UNC5B: variants seen among roughly 807,000 people sequenced by gnomAD.
The protein encoded by UNC5B is netrin receptor UNC5B.
UNC5B carries 56 observed loss-of-function variants against 103.7 expected under a neutral mutation model. That is an observed-to-expected ratio of 0.54 (90% CI 0.44 to 0.67). The LOEUF (loss-of-function observed/expected upper bound fraction) is 0.67. Ranked by LOEUF, UNC5B falls within the 30% of genes least tolerant of loss-of-function variation. The pLI is 0.00. For synonymous variants in UNC5B, 577 were observed against 542.0 expected (o/e 1.06, Z -0.90); for missense variants, 1,194 against 1,284.5 (o/e 0.93, Z 1.08).
intron 1 of UNC5B, among the ~76,000 whole-genome samples, chr10:71,248,867 T>TCTCA (rs1255659167): frequency 1.1e-4 from 3 of 26,498 alleles, no homozygotes; most frequent in African/African-American, 2.2e-4. Flanking sequence ...TCTCTCTCTC[T>TCTCA]CACACACACA....
At chr10:71,215,834 T>TGTGTGTGC (rs1172844807) in intron 1 of UNC5B, among the ~76,000 whole-genome samples, 1 of 137,936 alleles carries the variant, frequency 7.2e-6, no homozygotes, top group African/African-American at 2.8e-5. Flanking sequence ...TGTGTGTGTG[T>TGTGTGTGC]GTGTGTGTGC....
intron 1 of UNC5B, among the ~76,000 whole-genome samples, chr10:71,270,027 C>T (rs1348426454): frequency 2.6e-5 from 4 of 152,084 alleles, no homozygotes; most frequent in African/African-American, 7.2e-5. Context: ...CAGGAAAACA[C>T]GCCTGGTGGG....
intron 2 of UNC5B, among the ~76,000 whole-genome samples, chr10:71,280,313 C>T (rs1373344978): frequency 6.6e-6 from 1 of 152,118 alleles, no homozygotes; most frequent in East Asian, 1.9e-4. Context: ...GTTCTTGAGC[C>T]CTCCCAAACA....
chr10:71,239,992 G>A lies in UNC5B; in HGVS notation c.79+26928G>A, dbSNP rs567692947. ...CCCAGTGTGGGGTGCCTGGAGGCAG[G>A]AAAGGCTGGGCTGGGGCTCCAGGCG... On this transcript the variant is annotated intron_variant, in intron 1 of 16. Transcript: ENST00000335350. 1.1e-4 allele frequency among the ~76,000 whole-genome samples: 17 copies of A among 152,320 alleles called. No homozygotes were observed. In the South Asian group the frequency reaches 2.9e-3, roughly 26 times the overall value.
Position 71,287,581 on chromosome 10 carries a change from C to T in UNC5B, c.734-17C>T. 6.3e-7 allele frequency: 1 copy of T among 1,579,006 alleles called. No homozygotes were observed. The highest frequency in any genetic ancestry group is 8.6e-7 in the Non-Finnish European group (1 of 1,161,990). The stretch of plus-strand genomic sequence containing the variant: ...TTCCAGAGCCAAGCCATCCAGTTGA[C>T]AGCTGCCGCCTTGCAGTGAATGGCG... On this transcript the variant is annotated splice_polypyrimidine_tract_variant and intron_variant, in intron 5 of 16. Coordinates refer to ENST00000335350, the MANE Select transcript of UNC5B (RefSeq NM_170744.5).
rs2132318998 is a variant in UNC5B at position 71,298,103 on chromosome 10, A to G, written c.2672+13A>G. On this transcript the variant is annotated intron_variant, in intron 16 of 16. Transcript: ENST00000335350. ...TCTCTATGGACCGGTGAGTATCCCA[A>G]ACCACAGCCCATCCCCATCTGCCTT... is the stretch of plus-strand genomic sequence containing the variant. 1 of 1,591,048 alleles carries G rather than the reference A, an allele frequency of 6.3e-7. No homozygotes were observed. The highest frequency in any genetic ancestry group is 2.3e-5 in the East Asian group (1 of 43,574).
rs561720213 is a variant in UNC5B, at chr10:71,272,220, G to A, written c.80-7601G>A. Among the ~76,000 whole-genome samples the A allele has an allele frequency of 1.6e-4, 24 of 152,310 alleles. No individual in the cohort carries two copies. The South Asian group carries it at 5.0e-3, about 32-fold the overall frequency. ...AATTAGCCGGTGTCCAGGGGCTAGA[G>A]AAAGACTGTGATTGCTGATGATAAA... On this transcript the variant is annotated intron_variant, in intron 1 of 16. Transcript: ENST00000335350.
chr10:71,275,968 G>A (rs963464145), intron 1 of UNC5B, among the ~76,000 whole-genome samples: 3 of 152,188 alleles, frequency 2.0e-5, no homozygotes, highest in African/African-American at 4.8e-5. Flanking sequence ...AGTGGTGTCC[G>A]CTTGGATTCC....
At chr10:71,298,184 T>C (rs757829669) in intron 16 of UNC5B, 94 bp downstream of exon 16, 60 of 1,427,370 alleles carry the variant, frequency 4.2e-5, no homozygotes, top group Middle Eastern at 3.6e-4. Flanking sequence ...GCCACGACCA[T>C]CTCCCAGACC....
chr10:71,221,303 TGTGCGAGAAGGGGCC>T (rs772224010), intron 1 of UNC5B, among the ~76,000 whole-genome samples: 33 of 152,172 alleles, frequency 2.2e-4, no homozygotes, highest in Non-Finnish European at 4.0e-4. Context: ...AGCCTGGGCA[TGTGCGAGAAGGGGCC>T]TGTGGTCCCC....
rs1060184 is a variant in UNC5B, at chr10:71,299,601, C to G, written c.*324C>G. ...AGGCAGGAGGCCCTCCCTCCACCCCCCCACCCTCAGCCCGGCAACTTCTGG... is the reference window on the plus strand; with the variant it reads ...AGGCAGGAGGCCCTCCCTCCACCCCGCCACCCTCAGCCCGGCAACTTCTGG... On this transcript the variant is annotated 3_prime_UTR_variant, in exon 17 of 17. Coordinates refer to ENST00000335350, the MANE Select transcript of UNC5B (RefSeq NM_170744.5). 0.22 allele frequency: 58,399 copies of G among 271,070 alleles called. 8,522 individuals are homozygous for G. Among genetic ancestry groups the G allele is most frequent in the African/African-American group, 0.46 (21,326 of 46,060 alleles). The allele number at this position is 271,070 out of a possible 1,614,324, so 16.8% of individuals were successfully genotyped here.
chr10:71,280,949 C>T (rs1844910548), intron 2 of UNC5B, among the ~76,000 whole-genome samples: 1 of 152,222 alleles, frequency 6.6e-6, no homozygotes, highest in Non-Finnish European at 1.5e-5. Flanking sequence ...CTTTCTGGAT[C>T]CTTTGCTTTC....
At chr10:71,227,030 G>T (rs945030269) in intron 1 of UNC5B, among the ~76,000 whole-genome samples, 2 of 150,388 alleles carry the variant, frequency 1.3e-5, no homozygotes, top group African/African-American at 4.9e-5. Context: ...TGTTGCCCAG[G>T]CTGGAGTTCA....
At chr10:71,228,960 C>G (rs1698048062) in intron 1 of UNC5B, among the ~76,000 whole-genome samples, 1 of 152,196 alleles carries the variant, frequency 6.6e-6, no homozygotes, top group Non-Finnish European at 1.5e-5. Context: ...CATGAGCCCA[C>G]CCTACACCCA....
chr10:71,299,302 G>C lies in UNC5B; in HGVS notation c.*25G>C. On this transcript the variant is annotated 3_prime_UTR_variant, in exon 17 of 17. Transcript: ENST00000335350. ...AGCCTCCTGGGACAGCGGGCTGGCA[G>C]GGACTGGCAGGAGGCAGGTGCAGGG... 6 of 1,612,044 alleles carry C rather than the reference G, an allele frequency of 3.7e-6. No homozygotes were observed. The highest frequency in any genetic ancestry group is 5.1e-6 in the Non-Finnish European group (6 of 1,179,370).
chr10:71,296,883 G>A (rs11813824), intron 15 of UNC5B, 141 bp downstream of exon 15: 5,204 of 425,166 alleles, frequency 0.012, 68 homozygotes, highest in African/African-American at 0.026. Flanking sequence ...TGCACACCAC[G>A]CTGGCGGAGG....
At chr10:71,224,940 G>A (rs875001) in intron 1 of UNC5B, among the ~76,000 whole-genome samples, 89,053 of 152,118 alleles carry the variant, frequency 0.59, 29,414 homozygotes, top group East Asian at 0.75. Flanking sequence ...AAAGCCCATC[G>A]CTGTAAAGCA....
intron 11 of UNC5B, 128 bp from the exon 12 acceptor site, chr10:71,293,277 G>GAA (rs1275438033): frequency 6.6e-6 from 7 of 1,059,192 alleles, no homozygotes; most frequent in Non-Finnish European, 9.3e-6. Context: ...CTCTGGGAAT[G>GAA]CAGAGCCCTG....
At chr10:71,265,260 T>C (rs539228576) in intron 1 of UNC5B, among the ~76,000 whole-genome samples, 2 of 152,218 alleles carry the variant, frequency 1.3e-5, no homozygotes, top group East Asian at 3.9e-4. Flanking sequence ...AAGGGAAAGG[T>C]GGTTCTTTGT....
Sources: gnomAD v4.1 joint callset for allele counts (sites outside exome capture counted in the v4.1 genomes callset) on GRCh38, gnomAD v4.1.1 for gene constraint, MANE v1.5 for transcripts, NCBI Gene and HGNC (gene_info 2026-07-23, HGNC 2026-07-21) for gene names.